The following CFAP69 variants were observed in gnomAD, a reference collection of about 807,000 sequenced individuals.
The protein encoded by CFAP69 is cilia and flagella associated protein 69, also known as cilia- and flagella-associated protein 69.
CFAP69 carries 92 observed loss-of-function variants against 123.0 expected under a neutral mutation model. The ratio of observed to expected loss-of-function variants is 0.75; its 90% CI spans 0.63 to 0.89. The LOEUF is 0.89. Among genes scored for constraint, CFAP69 ranks in the 40% least tolerant of loss-of-function variants. CFAP69 has a pLI of 0.00. For synonymous variants in CFAP69, 380 were observed against 364.3 expected, an observed-to-expected ratio of 1.04 and a Z score of -0.49; for missense variants, 1,067 against 1,096.9, an observed-to-expected ratio of 0.97 and a Z score of 0.39.
At chr7:90,248,567 G>A (rs897763955) in intron 1 of CFAP69, among the ~76,000 whole-genome samples, 1 of 152,162 alleles carries the variant, frequency 6.6e-6, no homozygotes. Flanking sequence ...TATAGATTAT[G>A]AGTAAAGTTA....
At chr7:90,308,603 A>G (rs573274347) in intron 21 of CFAP69, among the ~76,000 whole-genome samples, 1 of 152,306 alleles carries the variant, frequency 6.6e-6, no homozygotes, top group South Asian at 2.1e-4. Context: ...TTAAGATAGC[A>G]AAACCAAATT....
At chr7:90,289,920 G>A (rs921614205) in intron 15 of CFAP69, among the ~76,000 whole-genome samples, 1 of 152,080 alleles carries the variant, frequency 6.6e-6, no homozygotes, top group South Asian at 2.1e-4. Context: ...TCAAATGTCC[G>A]TATATATTTG....
rs535858444 is a variant in CFAP69 at position 90,248,249 on chromosome 7, A to G, written c.120+2705A>G. Among the ~76,000 whole-genome samples, 4 of 152,356 alleles carry G rather than the reference A, an allele frequency of 2.6e-5. No homozygotes were observed. In the South Asian group the frequency reaches 8.3e-4, roughly 32 times the overall value. On this transcript the variant is annotated intron_variant, in intron 1 of 22. Coordinates refer to ENST00000389297, the MANE Select transcript of CFAP69 (RefSeq NM_001039706.3). ...TGTTTTATATCATTTTCTTTATTAC[A>G]GACCTAAATTGAACCTTTCAGTTAC...
At position 90,268,381 on chromosome 7, in the gene CFAP69, C is replaced by A. The variant is rs1048175982; in HGVS notation, c.529C>A (p.Pro177Thr). Reference sequence around the variant, plus strand: ...TGCAGAACCACCAAAGAAGCATATTCCAGGTGAAGTTTACAATGGTCTTTC... The same window carrying A: ...TGCAGAACCACCAAAGAAGCATATTACAGGTGAAGTTTACAATGGTCTTTC... Reference protein sequence around the residue: ...YHAEPPKKHIPGYQQASSSYK... With the variant: ...YHAEPPKKHITGYQQASSSYK... The change falls in exon 6 of 23, where the codon CCA becomes ACA. Residue 177 changes from proline (P) to threonine (T), a missense_variant. Coordinates refer to ENST00000389297, the MANE Select transcript of CFAP69 (RefSeq NM_001039706.3). The A allele has an allele frequency of 6.2e-6, 10 of 1,602,770 alleles. No individual in the cohort carries two copies. Among genetic ancestry groups the A allele is most frequent in the Non-Finnish European group, 6.8e-6 (8 of 1,172,298 alleles).
At position 90,264,091 on chromosome 7, in the gene CFAP69, GA is replaced by G. The variant is rs1165222104; in HGVS notation, c.357-1196del. 6.3e-3 allele frequency among the ~76,000 whole-genome samples: 113 copies of G among 17,988 alleles called. 1 individual carries two copies. Among genetic ancestry groups the G allele is most frequent in the South Asian group, 0.028 (11 of 400 alleles). 11.8% of individuals were successfully genotyped at this position (17,988 alleles called of 152,430 possible). A position where few individuals can be genotyped will look rare whatever the true frequency, so the allele number is the denominator to read the frequency against. ...GGGCGACAGAGCAAGACTCCATCTC[GA>G]AAAAAAAAAAAAATATATATATATA... On this transcript the variant is annotated intron_variant, in intron 4 of 22. Coordinates refer to ENST00000389297, the MANE Select transcript of CFAP69 (RefSeq NM_001039706.3).
chr7:90,260,369 A>T (rs1369707168), intron 3 of CFAP69, among the ~76,000 whole-genome samples: 1 of 152,028 alleles, frequency 6.6e-6, no homozygotes, highest in Admixed American at 6.6e-5. Context: ...CTAAAAAAAA[A>T]AATAGCCATG....
At chr7:90,247,714 T>C (rs9691961) in intron 1 of CFAP69, among the ~76,000 whole-genome samples, 27,083 of 151,940 alleles carry the variant, frequency 0.18, 4,811 homozygotes, top group East Asian at 0.73. Flanking sequence ...GGCATGGTGA[T>C]GCACGCCTGT....
intron 14 of CFAP69, among the ~76,000 whole-genome samples, chr7:90,286,624 T>C (rs1790322575): frequency 6.6e-6 from 1 of 152,192 alleles, no homozygotes; most frequent in East Asian, 1.9e-4. Context: ...TCTATAAAAT[T>C]TCCTCATCCC....
chr7:90,253,849 G>A (rs541592460), intron 1 of CFAP69, among the ~76,000 whole-genome samples: 11 of 152,108 alleles, frequency 7.2e-5, no homozygotes, highest in Admixed American at 1.3e-4. Context: ...GTGTAATCCC[G>A]TTTGTCTATT....
rs1800386250 is a variant in CFAP69, at chr7:90,274,072, A to G, written c.946A>G (p.Thr316Ala). 1.2e-6 allele frequency: 2 copies of G among 1,605,348 alleles called. No individual in the cohort carries two copies. Among genetic ancestry groups the G allele is most frequent in the East Asian group, 2.2e-5 (1 of 44,464 alleles). ...RQLRNDILVITTIIAQNPEAP... is the reference protein window; with the variant it reads ...RQLRNDILVIATIIAQNPEAP... The stretch of plus-strand genomic sequence containing the variant: ...GCTTAGAAATGACATATTAGTGATC[A>G]CTACAATTATAGCTCAAAATCCTGA... The change falls in exon 9 of 23, where the codon ACT (threonine) becomes GCT (alanine). Residue 316 changes from threonine (T) to alanine (A), a missense_variant. By Grantham distance (58) the Thr-to-Ala change is moderately conservative. Coordinates refer to ENST00000389297, the MANE Select transcript of CFAP69 (RefSeq NM_001039706.3).
intron 5 of CFAP69, among the ~76,000 whole-genome samples, chr7:90,267,438 A>G (rs1799303288): frequency 6.6e-6 from 1 of 152,152 alleles, no homozygotes; most frequent in African/African-American, 2.4e-5. Flanking sequence ...CATTCAGAGA[A>G]CCTGGATCAT....
intron 11 of CFAP69, among the ~76,000 whole-genome samples, chr7:90,278,030 A>G (rs1788863380): frequency 6.6e-6 from 1 of 152,080 alleles, no homozygotes; most frequent in Admixed American, 6.5e-5. Flanking sequence ...TAAATGTATT[A>G]TTAACAATTC....
intron 15 of CFAP69, among the ~76,000 whole-genome samples, chr7:90,294,073 C>T (rs1352834856): frequency 6.6e-6 from 1 of 152,208 alleles, no homozygotes; most frequent in Non-Finnish European, 1.5e-5. Context: ...ATCTACCATA[C>T]AAGATTGTTT....
chr7:90,261,970 A>T lies in CFAP69; in HGVS notation c.270A>T (p.Ile90=), dbSNP rs777277874. The stretch of plus-strand genomic sequence containing the variant: ...AGCCATTAAGGGATTTAGCACAGAT[A>T]TTTAAAATTCTGAATCTGTGTTCAG... ...NGLPLRDLAQ[I]FKILNLCSGK... Residue 90 remains isoleucine (I), a synonymous_variant, in exon 4 of 23, where the codon ATA becomes ATT. Coordinates refer to ENST00000389297, the MANE Select transcript of CFAP69 (RefSeq NM_001039706.3). The T allele has an allele frequency of 6.3e-7, 1 of 1,590,270 alleles. No homozygotes were observed. The highest frequency in any genetic ancestry group is 2.3e-5 in the East Asian group (1 of 44,190).
At position 90,299,926 on chromosome 7, in the gene CFAP69, TC is replaced by T. The variant is rs2117332924; in HGVS notation, c.1920del (p.Thr642LeufsTer20). 6.2e-7 allele frequency: 1 copy of T among 1,611,638 alleles called. No individual in the cohort carries two copies. The highest frequency in any genetic ancestry group is 2.2e-5 in the East Asian group (1 of 44,676). The stretch of plus-strand genomic sequence containing the variant: ...GAATAATGGTTGAATTTTGTGATAA[TC>T]CCAAAACTGCAGCTCATGTCAATGC... ...LGIMVEFCDN[P>X]KTAAHVNAWQ... is the part of the protein sequence containing the mutation. On this transcript the variant is annotated frameshift_variant, in exon 17 of 23. Transcript: ENST00000389297. LOFTEE classifies it high-confidence loss of function.
In CFAP69 at chr7:90,286,345, G is replaced by T; in HGVS notation, c.1602G>T (p.Gln534His). 1.2e-6 allele frequency: 2 copies of T among 1,611,298 alleles called. No individual in the cohort carries two copies. Among genetic ancestry groups the T allele is most frequent in the Non-Finnish European group, 1.7e-6 (2 of 1,178,594 alleles). ...EKEEAIVLEI[Q>H]SDILLILSGL... ...AAGAAGCCATTGTTTTGGAAATCCA[G>T]TCTGATATATTACTTATCCTATCTG... The change falls in exon 14 of 23, where the codon CAG becomes CAT. Residue 534 changes from glutamine to histidine, a missense_variant. Gln to His is a conservative substitution (Grantham distance 24, BLOSUM62 0). Coordinates refer to ENST00000389297, the MANE Select transcript of CFAP69 (RefSeq NM_001039706.3).
intron 1 of CFAP69, among the ~76,000 whole-genome samples, chr7:90,254,880 TTAAG>T (rs1342886366): frequency 6.6e-6 from 1 of 152,038 alleles, no homozygotes; most frequent in African/African-American, 2.4e-5. Flanking sequence ...CCCCTTGAAA[TTAAG>T]TAAGAGCTAA....
Position 90,273,034 on chromosome 7 carries a change from A to G in CFAP69, c.861-953A>G, listed in dbSNP as rs566003917. Among the ~76,000 whole-genome samples the G allele has an allele frequency of 2.6e-5, 4 of 152,312 alleles. No homozygotes were observed. The East Asian group carries it at 7.7e-4, about 29-fold the overall frequency. ...GAATGCTGTTCTTATAAAAAGGGCA[A>G]GTAGGTCCCAGGAGGCAAAGCAACA... is the stretch of plus-strand genomic sequence containing the variant. On this transcript the variant is annotated intron_variant, in intron 8 of 22. Coordinates refer to ENST00000389297, the MANE Select transcript of CFAP69 (RefSeq NM_001039706.3).
At chr7:90,257,889 A>G (rs1337512623) in intron 2 of CFAP69, among the ~76,000 whole-genome samples, 1 of 152,186 alleles carries the variant, frequency 6.6e-6, no homozygotes, top group African/African-American at 2.4e-5. Flanking sequence ...ATAAATACCC[A>G]GTAGTGAGAT....
Sources: gnomAD v4.1 joint callset for allele counts (sites outside exome capture counted in the v4.1 genomes callset) on GRCh38, gnomAD v4.1.1 for gene constraint, MANE v1.5 for transcripts, NCBI Gene and HGNC (gene_info 2026-07-23, HGNC 2026-07-21) for gene names.